The following DDX4 variants were observed in gnomAD, a reference collection of about 807,000 sequenced individuals.
The protein encoded by DDX4 is DEAD-box helicase 4.
A neutral mutation model predicts 100.0 loss-of-function variants in DDX4; 25 were observed. The observed-to-expected ratio is 0.25, with a 90% CI of 0.18 to 0.35. The LOEUF is 0.35. DDX4 is among the 10% of genes least tolerant of loss of function. The probability of loss-of-function intolerance (pLI) is 1.00; values close to 1 mark genes in which losing one functional copy is unlikely to be tolerated. For missense variants in DDX4, 635 were observed against 882.4 expected (o/e 0.72, Z 3.55); for synonymous variants, 259 against 275.7 (o/e 0.94, Z 0.60).
At chr5:55,806,793 T>C (rs1743754413) in intron 18 of DDX4, among the ~76,000 whole-genome samples, 1 of 152,210 alleles carries the variant, frequency 6.6e-6, no homozygotes, top group African/African-American at 2.4e-5. Context: ...GAGAAGACTG[T>C]ATATTCTGTT....
intron 18 of DDX4, among the ~76,000 whole-genome samples, chr5:55,807,873 G>T (rs1743845927): frequency 6.6e-6 from 1 of 152,166 alleles, no homozygotes; most frequent in Non-Finnish European, 1.5e-5. Context: ...GGCCTGCCTT[G>T]CTAGATTGAA....
At chr5:55,762,269 T>A (rs1163227146) in intron 4 of DDX4, among the ~76,000 whole-genome samples, 7 of 152,202 alleles carry the variant, frequency 4.6e-5, no homozygotes, top group African/African-American at 1.7e-4. Flanking sequence ...ATGTCTCTCC[T>A]GTTCTTTTTT....
At chr5:55,815,936 G>GTTTT (rs1183741125) in intron 21 of DDX4, among the ~76,000 whole-genome samples, 1 of 115,670 alleles carries the variant, frequency 8.6e-6, no homozygotes, top group Non-Finnish European at 1.7e-5. Flanking sequence ...CATCTTAGCT[G>GTTTT]GTTTTTTTTT....
Position 55,763,194 on chromosome 5 carries a change from G to C in DDX4, c.225G>C (p.Lys75Asn), listed in dbSNP as rs1237537655. 6.2e-7 allele frequency: 1 copy of C among 1,611,828 alleles called. No individual in the cohort carries two copies. The highest frequency in any genetic ancestry group is 2.2e-5 in the East Asian group (1 of 44,768). The change falls in exon 5 of 22, where the codon AAG becomes AAC. Residue 75 changes from lysine to asparagine, a missense_variant. Physicochemically the swap from Lys to Asn is moderately conservative, Grantham distance 94. Around this residue, in one of 4 missense-constraint regions of DDX4, gnomAD observed 446 missense variants for 540.8 expected, o/e 0.82. Transcript: ENST00000505374. ...FGNRDAGECN[K>N]RDNTSTMGGF... ...TTTCAGATGCTGGTGAGTGTAATAA[G>C]CGAGATAATACATCCACAATGGGTG...
At chr5:55,806,077 A>G (rs1743690599) in intron 18 of DDX4, among the ~76,000 whole-genome samples, 1 of 152,102 alleles carries the variant, frequency 6.6e-6, no homozygotes, top group African/African-American at 2.4e-5. Flanking sequence ...CCATGAATTT[A>G]TCCATTTCTT....
intron 7 of DDX4, among the ~76,000 whole-genome samples, chr5:55,774,617 CCTTT>C (rs1262855393): frequency 6.6e-6 from 1 of 152,070 alleles, no homozygotes; most frequent in Non-Finnish European, 1.5e-5. Flanking sequence ...CAGACTTTTT[CCTTT>C]GTTTCCTTCT....
At position 55,768,920 on chromosome 5, in the gene DDX4, T is replaced by C. The variant is rs916220693; in HGVS notation, c.394+980T>C. ...TTTCATCTGCCTGTTGGCTGTATAT[T>C]GTCTTTTGAAACGTGCCCATGTCCA... On this transcript the variant is annotated intron_variant, in intron 7 of 21. Coordinates refer to ENST00000505374, the MANE Select transcript of DDX4 (RefSeq NM_024415.3). Among the ~76,000 whole-genome samples the C allele has an allele frequency of 6.6e-5, 10 of 152,280 alleles. 1 individual carries two copies. In the South Asian group the frequency reaches 1.2e-3, roughly 19 times the overall value.
intron 17 of DDX4, among the ~76,000 whole-genome samples, chr5:55,796,802 CT>C (rs1742972002): frequency 1.4e-5 from 1 of 73,046 alleles, no homozygotes; most frequent in African/African-American, 4.2e-5. Context: ...GAAGACTTTT[CT>C]TTTCTTTTTT....
intron 7 of DDX4, among the ~76,000 whole-genome samples, chr5:55,771,617 A>G (rs2111893346): frequency 6.6e-6 from 1 of 152,262 alleles, no homozygotes; most frequent in Middle Eastern, 3.4e-3. Context: ...CATAGGCTAT[A>G]TATATTTTTG....
chr5:55,789,639 A>G (rs1421852240), intron 15 of DDX4, among the ~76,000 whole-genome samples: 1 of 152,178 alleles, frequency 6.6e-6, no homozygotes, highest in Non-Finnish European at 1.5e-5. Context: ...GCTATATTAT[A>G]ATTTATTGGA....
At chr5:55,747,670 A>G (rs572235717) in intron 3 of DDX4, among the ~76,000 whole-genome samples, 26 of 152,096 alleles carry the variant, frequency 1.7e-4, no homozygotes, top group Non-Finnish European at 3.1e-4. Flanking sequence ...TCCACCATCT[A>G]CCCCCAGAAC....
chr5:55,754,664 G>A (rs1454393993), intron 3 of DDX4, among the ~76,000 whole-genome samples: 4 of 151,520 alleles, frequency 2.6e-5, no homozygotes, highest in South Asian at 2.1e-4. Flanking sequence ...CCTGGCTTTG[G>A]TATCAGAATG....
At chr5:55,776,877 G>A (rs1561496214) in intron 7 of DDX4, among the ~76,000 whole-genome samples, 1 of 152,136 alleles carries the variant, frequency 6.6e-6, no homozygotes, top group Non-Finnish European at 1.5e-5. Context: ...AATAAGTATT[G>A]ACTATATAAA....
At chr5:55,812,523 C>T (rs1744179068) in intron 18 of DDX4, among the ~76,000 whole-genome samples, 1 of 120,916 alleles carries the variant, frequency 8.3e-6, no homozygotes. Flanking sequence ...GAGATTGTGC[C>T]ACTGCACTCC....
chr5:55,807,210 G>T (rs1280279329), intron 18 of DDX4, among the ~76,000 whole-genome samples: 1 of 152,146 alleles, frequency 6.6e-6, no homozygotes, highest in Non-Finnish European at 1.5e-5. Flanking sequence ...TTGAGCCTAT[G>T]TGTGGCTCTG....
chr5:55,807,585 T>C (rs1743817649), intron 18 of DDX4, among the ~76,000 whole-genome samples: 1 of 152,236 alleles, frequency 6.6e-6, no homozygotes, highest in African/African-American at 2.4e-5. Context: ...CTTTTGAAGC[T>C]TAGTTTGGCT....
At position 55,813,690 on chromosome 5, in the gene DDX4, G is replaced by T; in HGVS notation, c.1633G>T (p.Val545Phe). ...TCTTGTAGGGGATGAAAGAACTATG[G>T]TCTTTGTTGAAACTAAGAAAAAAGC... ...LRNIGDERTMVFVETKKKADF... is the reference protein window; with the variant it reads ...LRNIGDERTMFFVETKKKADF... Residue 545 changes from valine (V) to phenylalanine (F), a missense_variant, in exon 19 of 22, where the codon GTC becomes TTC. Coordinates refer to ENST00000505374, the MANE Select transcript of DDX4 (RefSeq NM_024415.3). The T allele has an allele frequency of 6.3e-7, 1 of 1,589,878 alleles. No homozygotes were observed. The highest frequency in any genetic ancestry group is 1.2e-5 in the South Asian group (1 of 84,790).
chr5:55,797,070 C>G (rs750253316), intron 17 of DDX4, among the ~76,000 whole-genome samples: 2 of 152,018 alleles, frequency 1.3e-5, no homozygotes, highest in Non-Finnish European at 2.9e-5. Flanking sequence ...TCTCAAACTC[C>G]TGGGCTCAGG....
chr5:55,765,445 A>G (rs114234345), intron 6 of DDX4, among the ~76,000 whole-genome samples: 2,044 of 129,614 alleles, frequency 0.016, 21 homozygotes, highest in Middle Eastern at 0.049. Context: ...TATGGATTGA[A>G]TTCATTCATT....
Sources: allele counts gnomAD v4.1 joint callset (sites outside exome capture counted in the v4.1 genomes callset), GRCh38; gene constraint gnomAD v4.1.1; regional missense constraint gnomAD v4.1.1; transcripts MANE v1.5; gene names NCBI Gene and HGNC (gene_info 2026-07-23, HGNC 2026-07-21).